ARMH3: variants seen among roughly 807,000 people sequenced by gnomAD.
ARMH3 encodes armadillo-like helical domain-containing protein 3.
In ARMH3, 60 loss-of-function variants were observed where a neutral mutation model predicts 99.1. The ratio of observed to expected loss-of-function variants is 0.61; its 90% CI spans 0.49 to 0.75. ARMH3 has a LOEUF of 0.75. Ranked by LOEUF, ARMH3 falls within the 30% of genes least tolerant of loss-of-function variation. ARMH3 has a pLI of 0.00. For missense variants in ARMH3, 679 were observed against 843.1 expected, an observed-to-expected ratio of 0.81 and a Z score of 2.41; for synonymous variants, 285 against 292.8, an observed-to-expected ratio of 0.97 and a Z score of 0.27.
chr10:101,852,483 T>C (rs1564689033), intron 24 of ARMH3, among the ~76,000 whole-genome samples: 2 of 152,210 alleles, frequency 1.3e-5, no homozygotes, highest in African/African-American at 4.8e-5. Context: ...CAGCCGGACA[T>C]GGTGGCTCAC....
intron 25 of ARMH3, among the ~76,000 whole-genome samples, chr10:101,848,698 G>A (rs1302842525): frequency 6.6e-6 from 1 of 152,158 alleles, no homozygotes; most frequent in African/African-American, 2.4e-5. Flanking sequence ...ACAAATATGA[G>A]CAGAACTGAG....
chr10:102,003,284 T>C (rs1365012817), intron 14 of ARMH3, among the ~76,000 whole-genome samples: 1 of 152,006 alleles, frequency 6.6e-6, no homozygotes, highest in Non-Finnish European at 1.5e-5. Flanking sequence ...TGCCTCCGCC[T>C]CCCAAATAGC....
At chr10:102,015,663 T>TA (rs1225410883) in intron 8 of ARMH3, among the ~76,000 whole-genome samples, 1 of 152,244 alleles carries the variant, frequency 6.6e-6, no homozygotes, top group African/African-American at 2.4e-5. Context: ...GTGCTGGGAA[T>TA]ACAGGCGTGA....
intron 23 of ARMH3, among the ~76,000 whole-genome samples, chr10:101,903,207 T>G (rs2068022574): frequency 1.3e-5 from 2 of 152,240 alleles, no homozygotes; most frequent in Non-Finnish European, 2.9e-5. Flanking sequence ...CTTTCTCATA[T>G]AGTCAAGGAA....
At chr10:102,052,767 G>A (rs187576467) in intron 1 of ARMH3, among the ~76,000 whole-genome samples, 3 of 151,732 alleles carry the variant, frequency 2.0e-5, no homozygotes, top group Admixed American at 6.6e-5. Flanking sequence ...TTTTCCCCAA[G>A]ACTTTTTTCA....
At chr10:102,019,788 C>A (rs778145593) in intron 8 of ARMH3, among the ~76,000 whole-genome samples, 2 of 151,730 alleles carry the variant, frequency 1.3e-5, no homozygotes, top group African/African-American at 4.8e-5. Flanking sequence ...ATTAGCCGGG[C>A]GTGGTGGCAG....
chr10:101,995,501 A>G lies in ARMH3; in HGVS notation c.1151-146T>C, dbSNP rs185909745. 4.5e-6 allele frequency: 3 copies of G among 672,276 alleles called. No homozygotes were observed. The East Asian group carries it at 8.6e-5, about 19-fold the overall frequency. 41.6% of individuals were successfully genotyped at this position (672,276 alleles called of 1,614,324 possible). ...CATAAATGAAAATCAAGGTACTACT[A>G]TAGTAATTCTTGCTTCCCTCCTAGG... On this transcript the variant is annotated intron_variant, in intron 15 of 25. Transcript: ENST00000370033.
At chr10:101,879,647 C>T (rs1489893426) in intron 24 of ARMH3, among the ~76,000 whole-genome samples, 2 of 152,100 alleles carry the variant, frequency 1.3e-5, no homozygotes, top group Non-Finnish European at 2.9e-5. Context: ...TCACCATGCC[C>T]GACCTATGAC....
chr10:101,924,724 C>A (rs531984781), intron 23 of ARMH3, among the ~76,000 whole-genome samples: 1 of 151,942 alleles, frequency 6.6e-6, no homozygotes, highest in Non-Finnish European at 1.5e-5. Context: ...CCAGGAGTAG[C>A]GGCTCATGCC....
intron 16 of ARMH3, 82 bp downstream of exon 16, chr10:101,995,215 G>GA: frequency 8.4e-7 from 1 of 1,187,248 alleles, no homozygotes; most frequent in Admixed American, 2.0e-5. Flanking sequence ...AATGTCATGA[G>GA]ACAGTAATGG....
intron 24 of ARMH3, among the ~76,000 whole-genome samples, chr10:101,869,513 G>C (rs762269878): frequency 1.3e-5 from 2 of 152,098 alleles, no homozygotes; most frequent in Non-Finnish European, 2.9e-5. Context: ...TATATCACCA[G>C]AGAAATGAGA....
chr10:102,014,167 G>A (rs992910154), intron 8 of ARMH3, 143 bp from the exon 9 acceptor site: 29 of 611,974 alleles, frequency 4.7e-5, no homozygotes, highest in Non-Finnish European at 7.4e-5. Flanking sequence ...AATCCATATT[G>A]CCTGCTGACT....
At chr10:101,944,309 GA>G (rs1844412196) in intron 22 of ARMH3, among the ~76,000 whole-genome samples, 1 of 131,498 alleles carries the variant, frequency 7.6e-6, no homozygotes, top group Admixed American at 7.6e-5. Flanking sequence ...GAGAGAGAGA[GA>G]GAGAGAGAGA....
At position 102,024,508 on chromosome 10, in the gene ARMH3, G is replaced by A. The variant is rs940321549; in HGVS notation, c.507+648C>T. Among the ~76,000 whole-genome samples, 106 of 150,862 alleles carry A rather than the reference G, an allele frequency of 7.0e-4. 1 individual carries two copies. Among genetic ancestry groups the A allele is most frequent in the East Asian group, 4.4e-3 (22 of 5,048 alleles). ...AAAATACTCAGAATCCTCCGGGCGC[G>A]GTGGCTCACACCTGTAATCCCAGCA... On this transcript the variant is annotated intron_variant, in intron 6 of 25. Coordinates refer to ENST00000370033, the MANE Select transcript of ARMH3 (RefSeq NM_024541.3).
chr10:101,925,695 G>A (rs966875250), intron 23 of ARMH3, among the ~76,000 whole-genome samples: 5 of 152,106 alleles, frequency 3.3e-5, no homozygotes, highest in Non-Finnish European at 7.4e-5. Flanking sequence ...GATCACCTGA[G>A]GACAGGAGTT....
At chr10:102,008,869 G>A (rs963975305) in intron 13 of ARMH3, among the ~76,000 whole-genome samples, 2 of 151,826 alleles carry the variant, frequency 1.3e-5, no homozygotes, top group East Asian at 1.9e-4. Flanking sequence ...AGGGCCCAGC[G>A]CTCAGTATTC....
At chr10:101,991,744 T>C (rs1846805887) in intron 18 of ARMH3, among the ~76,000 whole-genome samples, 2 of 152,194 alleles carry the variant, frequency 1.3e-5, no homozygotes, top group Non-Finnish European at 2.9e-5. Context: ...TTTGTCTCAC[T>C]GGAATGACTT....
chr10:102,033,388 G>A, intron 2 of ARMH3, 49 bp from the exon 3 acceptor site: 2 of 1,546,478 alleles, frequency 1.3e-6, no homozygotes, highest in Non-Finnish European at 1.8e-6. Context: ...AACACCAAAA[G>A]CATTAAGAAT....
intron 15 of ARMH3, among the ~76,000 whole-genome samples, chr10:101,996,588 C>T (rs1408366224): frequency 5.9e-5 from 9 of 152,156 alleles, no homozygotes. Context: ...TAGCCAGTTT[C>T]TATGGCACTA....
Sources: allele counts gnomAD v4.1 joint callset (sites outside exome capture counted in the v4.1 genomes callset), GRCh38; gene constraint gnomAD v4.1.1; transcripts MANE v1.5; gene names NCBI Gene and HGNC (gene_info 2026-07-23, HGNC 2026-07-21).